LYST: variants seen among roughly 807,000 people sequenced by gnomAD.
LYST encodes lysosomal-trafficking regulator.
A neutral mutation model predicts 413.6 loss-of-function variants in LYST; 192 were observed. The observed-to-expected ratio is 0.46, with a 90% CI of 0.41 to 0.52. The LOEUF (loss-of-function observed/expected upper bound fraction) is 0.52. LYST is among the 20% of genes least tolerant of loss of function. The probability of loss-of-function intolerance (pLI) is 0.00; values close to 1 mark genes in which losing one functional copy is unlikely to be tolerated. For missense variants in LYST, 3,815 were observed against 4,499.9 expected (o/e 0.85, Z 4.35); for synonymous variants, 1,525 against 1,567.3 (o/e 0.97, Z 0.64).
intron 25 of LYST, among the ~76,000 whole-genome samples, chr1:235,754,340 C>T (rs965728832): frequency 7.0e-6 from 1 of 141,864 alleles, no homozygotes; most frequent in Non-Finnish European, 1.5e-5. Context: ...TCAAGCGGTT[C>T]TCCTGCCTCA....
At position 235,806,594 on chromosome 1, in the gene LYST, CCTT is replaced by C. The variant is rs755119451; in HGVS notation, c.2539_2541del (p.Lys847del). On this transcript the variant is annotated inframe_deletion, in exon 6 of 53. Coordinates refer to ENST00000389793, the MANE Select transcript of LYST (RefSeq NM_000081.4). Reference sequence around the variant, plus strand: ...GTACCCACATGTACAGAGGACAACTCCTTCTGTTCAATGTCTATCCCATCAATA... The same window carrying C: ...GTACCCACATGTACAGAGGACAACTCCTGTTCAATGTCTATCCCATCAATA... 1.2e-6 allele frequency: 2 copies of C among 1,613,816 alleles called. No homozygotes were observed. Among genetic ancestry groups the C allele is most frequent in the Admixed American group, 1.7e-5 (1 of 60,006 alleles).
chr1:235,757,448 C>T lies in LYST; in HGVS notation c.6892G>A (p.Asp2298Asn). The T allele has an allele frequency of 1.2e-6, 2 of 1,613,266 alleles. No homozygotes were observed. Among genetic ancestry groups the T allele is most frequent in the South Asian group, 1.1e-5 (1 of 91,054 alleles). The change falls in exon 24 of 53, where the codon GAC becomes AAC. Residue 2298 changes from aspartate (D) to asparagine (N), a missense_variant. Coordinates refer to ENST00000389793, the MANE Select transcript of LYST (RefSeq NM_000081.4). ...RTASAHSVTE[D>N]CLVPICCGLY... ...CCACAGCATATAGGTACCAAACAGT[C>T]TTCAGTTACACTAAAACAGAGACCA... is the stretch of plus-strand genomic sequence containing the variant.
chr1:235,813,270 T>TGA (rs1673653650), intron 3 of LYST, among the ~76,000 whole-genome samples: 1 of 152,162 alleles, frequency 6.6e-6, no homozygotes, highest in Non-Finnish European at 1.5e-5. Context: ...AATCTAAGAG[T>TGA]ATTTGACAGT....
chr1:235,666,512 A>T (rs1488303511), intron 50 of LYST, among the ~76,000 whole-genome samples: 1 of 151,842 alleles, frequency 6.6e-6, no homozygotes, highest in East Asian at 1.9e-4. Context: ...CTGTTAATAT[A>T]ATTAATGCCA....
intron 28 of LYST, among the ~76,000 whole-genome samples, chr1:235,749,578 T>A (rs193255861): frequency 6.6e-6 from 1 of 152,240 alleles, no homozygotes; most frequent in Non-Finnish European, 1.5e-5. Context: ...ATGAGGAAGC[T>A]GGACTGGATG....
Position 235,697,234 on chromosome 1 carries a change from T to A in LYST, c.10413A>T (p.Glu3471Asp). 9 of 1,614,098 alleles carry A rather than the reference T, an allele frequency of 5.6e-6. No homozygotes were observed. The highest frequency in any genetic ancestry group is 7.6e-6 in the Non-Finnish European group (9 of 1,179,978). The part of the protein sequence containing the change: ...LSWIKGLKWG[E>D]YVGSPSAPVP... ...CTGGAGCACTGGGGGAACCCACGTA[T>A]TCCCCCCATTTCAAGCCTTTTATCC... The change falls in exon 46 of 53, where the codon GAA (glutamate) becomes GAT (aspartate). Residue 3471 changes from glutamate to aspartate, a missense_variant. Glu to Asp is a conservative substitution (Grantham distance 45). Coordinates refer to ENST00000389793, the MANE Select transcript of LYST (RefSeq NM_000081.4).
intron 42 of LYST, among the ~76,000 whole-genome samples, chr1:235,713,897 T>C (rs976408862): frequency 2.0e-5 from 3 of 152,216 alleles, no homozygotes; most frequent in African/African-American, 4.8e-5. Context: ...AAACATAATA[T>C]ATGAATACAT....
In LYST at chr1:235,662,935, C is replaced by T. The variant is rs200941072; in HGVS notation, c.*5G>A. 2.1e-4 allele frequency: 303 copies of T among 1,469,612 alleles called. No homozygotes were observed. Among genetic ancestry groups the T allele is most frequent in the Middle Eastern group, 6.9e-4 (4 of 5,780 alleles). 91.0% of individuals were successfully genotyped at this position (1,469,612 alleles called of 1,614,324 possible). A position where few individuals can be genotyped will look rare whatever the true frequency, so the allele number is the denominator to read the frequency against. On this transcript the variant is annotated 3_prime_UTR_variant, in exon 53 of 53. Coordinates refer to ENST00000389793, the MANE Select transcript of LYST (RefSeq NM_000081.4). ...TGCTTTGGAGAACGTGAAGTTCATT[C>T]GCATTCACCCGGCTGCATAGCTGCT... is the stretch of plus-strand genomic sequence containing the variant.
intron 31 of LYST, 140 bp from the exon 32 acceptor site, chr1:235,734,799 G>A: frequency 3.3e-6 from 2 of 602,970 alleles, no homozygotes; most frequent in South Asian, 2.2e-5. Context: ...GACATTCTGA[G>A]GATAAGTACA....
chr1:235,759,727 A>G, intron 22 of LYST, 128 bp from the exon 23 acceptor site: 1 of 701,456 alleles, frequency 1.4e-6, no homozygotes, highest in East Asian at 2.7e-5. Flanking sequence ...ATATAGGTTA[A>G]TTTTACAAGT....
chr1:235,732,348 G>A (rs1435449130), intron 34 of LYST, among the ~76,000 whole-genome samples: 1 of 151,694 alleles, frequency 6.6e-6, no homozygotes, highest in Non-Finnish European at 1.5e-5. Context: ...TGTTGCCCAG[G>A]CCAGAGTGCA....
chr1:235,734,018 T>C (rs1664609323), intron 32 of LYST, 112 bp from the exon 33 acceptor site: 1 of 585,828 alleles, frequency 1.7e-6, no homozygotes, highest in African/African-American at 1.9e-5. Flanking sequence ...GAAAAACAAT[T>C]GTCCCTAGGA....
chr1:235,844,559 G>A (rs930077244), intron 1 of LYST, among the ~76,000 whole-genome samples: 1 of 152,086 alleles, frequency 6.6e-6, no homozygotes. Context: ...TTCTTCTGTC[G>A]ATTAGAAATT....
intron 44 of LYST, among the ~76,000 whole-genome samples, chr1:235,706,243 A>G (rs936572377): frequency 2.0e-5 from 3 of 152,220 alleles, no homozygotes; most frequent in Non-Finnish European, 4.4e-5. Flanking sequence ...GAGGAACAGC[A>G]TGTGCACGAA....
Position 235,664,641 on chromosome 1 carries a change from C to T in LYST, c.11039-20G>A, listed in dbSNP as rs771955142. Reference sequence around the variant, plus strand: ...CGCCAGCTAAAACACCCAAATCATCCGGCGGGTTACCAGAATGTGGCTGTC... The same window carrying T: ...CGCCAGCTAAAACACCCAAATCATCTGGCGGGTTACCAGAATGTGGCTGTC... On this transcript the variant is annotated intron_variant, in intron 50 of 52. Transcript: ENST00000389793. This position sits in a 1 kb window ranked among gnomAD's most constrained non-coding sequence, Gnocchi z 4.5. 3.7e-6 allele frequency: 6 copies of T among 1,613,836 alleles called. No individual in the cohort carries two copies. In the East Asian group the frequency reaches 6.7e-5, roughly 18 times the overall value.
At chr1:235,793,705 A>G (rs1671265304) in intron 10 of LYST, 93 bp from the exon 11 acceptor site, 2 of 695,388 alleles carry the variant, frequency 2.9e-6, no homozygotes, top group Non-Finnish European at 5.2e-6. Context: ...TACTATTGTC[A>G]CTTTTTGAAT....
intron 42 of LYST, among the ~76,000 whole-genome samples, chr1:235,713,603 G>A (rs942261680): frequency 1.3e-5 from 2 of 152,178 alleles, no homozygotes; most frequent in Non-Finnish European, 2.9e-5. Flanking sequence ...TCTCACAACT[G>A]GGGGGATGGG....
intron 28 of LYST, chr1:235,747,402 C>A: frequency 3.8e-6 from 1 of 263,484 alleles, no homozygotes. Context: ...TTACATATGA[C>A]TAAATTATAA....
intron 8 of LYST, among the ~76,000 whole-genome samples, chr1:235,801,519 C>T (rs552991055): frequency 1.8e-4 from 27 of 152,204 alleles, no homozygotes; most frequent in African/African-American, 6.5e-4. Context: ...ATCAATTTTG[C>T]CTTCTTCATA....
Sources: allele counts gnomAD v4.1 joint callset (sites outside exome capture counted in the v4.1 genomes callset), GRCh38; gene constraint gnomAD v4.1.1; non-coding constraint Gnocchi (gnomAD v3.1); transcripts MANE v1.5; gene names NCBI Gene and HGNC (gene_info 2026-07-23, HGNC 2026-07-21).